The following OR8B2 variants were observed in gnomAD, a reference collection of about 807,000 sequenced individuals.
OR8B2 encodes the protein olfactory receptor 8B2.
For synonymous variants in OR8B2, 98 were observed against 138.2 expected (o/e 0.71, Z 2.04); for missense variants, 304 against 379.6 (o/e 0.80, Z 1.65).
the OR8B2 span, among the ~76,000 whole-genome samples, chr11:124,394,707 A>G: frequency 9.2e-5 from 14 of 152,184 alleles, no homozygotes; most frequent in South Asian, 2.1e-4. Context: ...AGGAAGTGCA[A>G]CTATAGACTT....
At chr11:124,393,420 AAAAC>A in the OR8B2 span, among the ~76,000 whole-genome samples, 6 of 147,720 alleles carry the variant, frequency 4.1e-5, no homozygotes, top group African/African-American at 1.1e-4. Context: ...TTACAAGAAA[AAAAC>A]AAACAACCCC....
the OR8B2 span, among the ~76,000 whole-genome samples, chr11:124,390,568 G>A: frequency 3.3e-5 from 5 of 151,938 alleles, no homozygotes; most frequent in East Asian, 1.9e-4. Context: ...GCTTGCTTTC[G>A]GATATGTCAT....
At chr11:124,389,052 T>C (rs943663731), upstream of OR8B2, among the ~76,000 whole-genome samples, 8 of 151,918 alleles carry the variant, frequency 5.3e-5, no homozygotes, top group South Asian at 2.1e-4. Flanking sequence ...TCTCAATCTC[T>C]TGACCTCATG....
At chr11:124,388,394 G>A (rs115612507), upstream of OR8B2, among the ~76,000 whole-genome samples, 1,881 of 152,154 alleles carry the variant, frequency 0.012, 47 homozygotes, top group African/African-American at 0.044. Context: ...TTGGCCGTGG[G>A]TTTGTTTTAA....
chr11:124,395,213 A>G, the OR8B2 span, among the ~76,000 whole-genome samples: 45,674 of 151,966 alleles, frequency 0.3, 8,435 homozygotes, highest in East Asian at 0.42. Context: ...GCAATGAGCT[A>G]TGATTGAACC....
At chr11:124,396,260 A>C in the OR8B2 span, 6 of 805,168 alleles carry the variant, frequency 7.5e-6, no homozygotes, top group Non-Finnish European at 7.5e-6. Flanking sequence ...AAACCAAAAA[A>C]AGAGACAAGA....
At chr11:124,387,357 G>T (rs1239003469), upstream of OR8B2, among the ~76,000 whole-genome samples, 58 of 152,268 alleles carry the variant, frequency 3.8e-4, no homozygotes, top group African/African-American at 1.3e-3. Flanking sequence ...GAATGGTAAT[G>T]CCTAGGTTTT....
At chr11:124,385,712 C>A (rs144696590), upstream of OR8B2, among the ~76,000 whole-genome samples, 3,623 of 151,204 alleles carry the variant, frequency 0.024, 161 homozygotes, top group African/African-American at 0.084. Context: ...CTCACTGCAG[C>A]CTCAACCTCC....
the OR8B2 span, among the ~76,000 whole-genome samples, chr11:124,391,590 C>A: frequency 6.6e-6 from 1 of 152,102 alleles, no homozygotes; most frequent in African/African-American, 2.4e-5. Context: ...CTGAATAGAC[C>A]AATAACAGGA....
rs1449212756 is a variant in OR8B2 at position 124,383,299 on chromosome 11, A to G, written c.45T>C (p.Ala15=). 5 of 1,613,560 alleles carry G rather than the reference A, an allele frequency of 3.1e-6. No individual in the cohort carries two copies. Reference sequence around the variant, plus strand: ...GGAACTCTGGATGATCTGTTAATCCAGCAAGAATAAATTCAGTCACTAAGG... The same window carrying G: ...GGAACTCTGGATGATCTGTTAATCCGGCAAGAATAAATTCAGTCACTAAGG... ...NNSLVTEFIL[A]GLTDHPEFRQ... is the part of the protein sequence containing the mutation. The change falls in exon 2 of 2, where the codon GCT becomes GCC. Residue 15 remains alanine (A), a synonymous_variant. Transcript: ENST00000641451.
chr11:124,382,950 A>G lies in OR8B2; in HGVS notation c.394T>C (p.Tyr132His), dbSNP rs1479816900. The G allele has an allele frequency of 6.2e-7, 1 of 1,612,000 alleles. No homozygotes were observed. The highest frequency in any genetic ancestry group is 2.2e-5 in the East Asian group (1 of 44,802). The change falls in exon 2 of 2, where the codon TAT becomes CAT. Residue 132 changes from tyrosine to histidine, a missense_variant. Transcript: ENST00000641451. The stretch of plus-strand genomic sequence containing the variant: ...ACCTGATGGGACATGGTGACCTTAT[A>G]CAGCAATGGATTACAGATGGCCACA... Reference protein sequence around the residue: ...RYVAICNPLLYKVTMSHQVCS... With the variant: ...RYVAICNPLLHKVTMSHQVCS...
upstream of OR8B2, among the ~76,000 whole-genome samples, chr11:124,387,711 CT>C (rs1860723670): frequency 2.1e-5 from 3 of 142,654 alleles, no homozygotes; most frequent in Admixed American, 2.1e-4. Flanking sequence ...CAGCTTTGTT[CT>C]TTTGGCTTAG....
At chr11:124,386,511 G>C (rs201136540), upstream of OR8B2, among the ~76,000 whole-genome samples, 1 of 146,260 alleles carries the variant, frequency 6.8e-6, no homozygotes, top group African/African-American at 2.6e-5. Context: ...CGTGGTGTTT[G>C]GTTTTTTGTT....
chr11:124,390,060 A>T, the OR8B2 span, among the ~76,000 whole-genome samples: 3 of 152,196 alleles, frequency 2.0e-5, no homozygotes, highest in African/African-American at 7.2e-5. Flanking sequence ...GCTTGAATTA[A>T]TTGAGGTATG....
chr11:124,394,450 G>T, the OR8B2 span, among the ~76,000 whole-genome samples: 11 of 152,058 alleles, frequency 7.2e-5, no homozygotes, highest in Admixed American at 1.3e-4. Flanking sequence ...CAGGATGAAG[G>T]CCTCAGCCGG....
At chr11:124,395,650 T>G in the OR8B2 span, 373 of 152,292 alleles carry the variant, frequency 2.4e-3, no homozygotes, top group African/African-American at 8.4e-3. Context: ...TCAATGCTGT[T>G]TTAGATAGCA....
the OR8B2 span, chr11:124,395,471 T>TA: frequency 6.6e-6 from 1 of 152,174 alleles, no homozygotes; most frequent in Admixed American, 6.6e-5. Context: ...TCACAAAATA[T>TA]TTGTAGAAAT....
At position 124,383,292 on chromosome 11, in the gene OR8B2, T is replaced by C; in HGVS notation, c.52A>G (p.Thr18Ala). 1 of 1,613,912 alleles carries C rather than the reference T, an allele frequency of 6.2e-7. No homozygotes were observed. The highest frequency in any genetic ancestry group is 8.5e-7 in the Non-Finnish European group (1 of 1,179,818). The change falls in exon 2 of 2, where the codon ACA becomes GCA. Residue 18 changes from threonine (T) to alanine (A), a missense_variant. By Grantham distance (58) the Thr-to-Ala change is moderately conservative (BLOSUM62 0). Transcript: ENST00000641451. The part of the protein sequence containing the change: ...LVTEFILAGL[T>A]DHPEFRQPLF... ...GGTTGCCGGAACTCTGGATGATCTG[T>C]TAATCCAGCAAGAATAAATTCAGTC...
chr11:124,386,744 A>G (rs1860707424), upstream of OR8B2, among the ~76,000 whole-genome samples: 1 of 152,216 alleles, frequency 6.6e-6, no homozygotes, highest in East Asian at 1.9e-4. Context: ...TTATAGCAGC[A>G]TGATTTATAG....
Sources: gnomAD v4.1 joint callset for allele counts (sites outside exome capture counted in the v4.1 genomes callset) on GRCh38, gnomAD v4.1.1 for gene constraint, MANE v1.5 for transcripts, NCBI Gene and HGNC (gene_info 2026-07-23, HGNC 2026-07-21) for gene names.